Variants in TENM2 observed in about 807,000 individuals in gnomAD.
TENM2 encodes the protein teneurin transmembrane protein 2.
Under a neutral mutation model 245.2 loss-of-function variants are expected in TENM2, and 52 were observed. The ratio of observed to expected loss-of-function variants is 0.21; its 90% CI spans 0.17 to 0.27. The LOEUF (loss-of-function observed/expected upper bound fraction) is 0.27. Among genes scored for constraint, TENM2 ranks in the 10% least tolerant of loss-of-function variants. TENM2 has a pLI of 1.00. For missense variants in TENM2, 3,046 were observed against 3,666.8 expected (o/e 0.83, Z 4.37); for synonymous variants, 1,363 against 1,438.9 (o/e 0.95, Z 1.19).
intron 27 of TENM2, among the ~76,000 whole-genome samples, chr5:168,248,656 C>T (rs546847198): frequency 1.3e-5 from 2 of 152,324 alleles, no homozygotes; most frequent in East Asian, 1.9e-4. Flanking sequence ...CAGTAAGAAG[C>T]GGGGAGAGAA....
chr5:167,379,779 T>C (rs1482697514), intron 2 of TENM2, among the ~76,000 whole-genome samples: 5 of 152,006 alleles, frequency 3.3e-5, no homozygotes, highest in Non-Finnish European at 7.4e-5. Context: ...GTGAAAGAGG[T>C]AGCTACAAAA....
chr5:167,672,998 C>T (rs1410251207), intron 2 of TENM2, among the ~76,000 whole-genome samples: 1 of 151,528 alleles, frequency 6.6e-6, no homozygotes, highest in Non-Finnish European at 1.5e-5. Context: ...ACCAGCCCAA[C>T]CTACCCTCCA....
At chr5:167,378,675 C>T (rs1184616385) in intron 2 of TENM2, among the ~76,000 whole-genome samples, 2 of 151,940 alleles carry the variant, frequency 1.3e-5, no homozygotes, top group South Asian at 4.1e-4. Flanking sequence ...TAATAAATGT[C>T]CCACTTAAAA....
intron 2 of TENM2, among the ~76,000 whole-genome samples, chr5:167,476,209 C>T (rs892073525): frequency 2.0e-5 from 3 of 152,060 alleles, no homozygotes; most frequent in African/African-American, 7.2e-5. Context: ...ACAAAAATTC[C>T]ATTAGTGGTA....
intron 3 of TENM2, among the ~76,000 whole-genome samples, chr5:167,907,581 T>G (rs550908758): frequency 6.8e-4 from 86 of 126,246 alleles, no homozygotes; most frequent in Admixed American, 1.4e-3. Flanking sequence ...ATGTATGTAT[T>G]ATCATAAATT....
the TENM2 span, among the ~76,000 whole-genome samples, chr5:167,263,316 A>G: frequency 6.6e-6 from 1 of 151,770 alleles, no homozygotes; most frequent in Non-Finnish European, 1.5e-5. Flanking sequence ...GGAGGAGTAA[A>G]GAGAAAGTAA....
At chr5:166,993,073 C>T in the TENM2 span, among the ~76,000 whole-genome samples, 1 of 151,890 alleles carries the variant, frequency 6.6e-6, no homozygotes, top group African/African-American at 2.4e-5. Flanking sequence ...TGTAGGCTAT[C>T]TTTAGGCTTG....
chr5:167,662,338 G>A (rs779097864), intron 2 of TENM2, among the ~76,000 whole-genome samples: 1 of 152,136 alleles, frequency 6.6e-6, no homozygotes, highest in Non-Finnish European at 1.5e-5. Context: ...TCGTTTGCCT[G>A]GCATGATCTT....
chr5:167,722,647 G>A lies in TENM2; in HGVS notation c.503-153339G>A, dbSNP rs112578724. 8.2e-3 allele frequency among the ~76,000 whole-genome samples: 1,245 copies of A among 152,116 alleles called. 14 individuals are homozygous for A. The highest frequency in any genetic ancestry group is 0.027 in the Middle Eastern group (8 of 294). ...AAATTAGCTGGGCGTGGAGGTGCAC[G>A]CCTGTAGTCCCAGCTACTAGGCAGG... On this transcript the variant is annotated intron_variant, in intron 2 of 28. Transcript: ENST00000518659.
At chr5:167,113,054 G>C in the TENM2 span, among the ~76,000 whole-genome samples, 13 of 152,300 alleles carry the variant, frequency 8.5e-5, no homozygotes, top group Non-Finnish European at 1.5e-4. Context: ...ACCAGCATTA[G>C]ATGAGTTGAC....
At chr5:167,498,907 A>AATTGCTTGT (rs1768995554) in intron 2 of TENM2, among the ~76,000 whole-genome samples, 1 of 152,074 alleles carries the variant, frequency 6.6e-6, no homozygotes, top group Non-Finnish European at 1.5e-5. Context: ...AAACATGTAC[A>AATTGCTTGT]ATTGCTTGTA....
At chr5:168,142,386 A>G (rs971727216) in intron 12 of TENM2, among the ~76,000 whole-genome samples, 2 of 152,192 alleles carry the variant, frequency 1.3e-5, no homozygotes, top group African/African-American at 4.8e-5. Flanking sequence ...GGCTTCCATC[A>G]CCAGTGAGAT....
chr5:167,308,910 G>A (rs201665753), intron 1 of TENM2, among the ~76,000 whole-genome samples: 1 of 152,084 alleles, frequency 6.6e-6, no homozygotes, highest in East Asian at 1.9e-4. Flanking sequence ...TGAAGGTTAG[G>A]GAGGGCATTC....
At chr5:167,548,742 T>C (rs1043181886) in intron 2 of TENM2, among the ~76,000 whole-genome samples, 1 of 152,158 alleles carries the variant, frequency 6.6e-6, no homozygotes, top group Non-Finnish European at 1.5e-5. Context: ...ATAAAAATGC[T>C]GAATCAAATG....
chr5:167,361,272 G>A (rs1759697201), intron 1 of TENM2, among the ~76,000 whole-genome samples: 2 of 152,086 alleles, frequency 1.3e-5, no homozygotes, highest in South Asian at 4.1e-4. Flanking sequence ...TGTAATTAAC[G>A]AGTGTTAATA....
At chr5:167,064,675 C>T in the TENM2 span, among the ~76,000 whole-genome samples, 30 of 152,236 alleles carry the variant, frequency 2.0e-4, no homozygotes, top group Middle Eastern at 3.4e-3. Context: ...TAGGATTAAC[C>T]ATCGAGGTAG....
intron 2 of TENM2, among the ~76,000 whole-genome samples, chr5:167,873,409 GT>G (rs1248468296): frequency 2.0e-5 from 3 of 152,070 alleles, no homozygotes; most frequent in Non-Finnish European, 4.4e-5. Flanking sequence ...CATGTAAATG[GT>G]TAGAGGGTGA....
In TENM2 at chr5:168,216,867, A is replaced by G. The variant is rs966647812; in HGVS notation, c.4178A>G (p.Asn1393Ser). Residue 1393 changes from asparagine to serine, a missense_variant, in exon 22 of 29, where the codon AAT (asparagine) becomes AGT (serine). Coordinates refer to ENST00000518659, the Ensembl canonical transcript of TENM2. ...ATCATCTCCACCCTGCTGGGCTCCA[A>G]TGACCTCACTGCCGTCCGGCCGCTG... The G allele has an allele frequency of 1.2e-5, 19 of 1,613,892 alleles. No individual in the cohort carries two copies. The highest frequency in any genetic ancestry group is 1.4e-5 in the Non-Finnish European group (16 of 1,179,900).
the TENM2 span, among the ~76,000 whole-genome samples, chr5:167,207,881 G>A: frequency 6.6e-6 from 1 of 152,258 alleles, no homozygotes; most frequent in African/African-American, 2.4e-5. Context: ...AGCCTCCCGA[G>A]TAGCTGAGAT....
Sources: gnomAD v4.1 joint callset for allele counts (sites outside exome capture counted in the v4.1 genomes callset) on GRCh38, gnomAD v4.1.1 for gene constraint, MANE v1.5 for transcripts, NCBI Gene and HGNC (gene_info 2026-07-23, HGNC 2026-07-21) for gene names.